CHSY3: variants seen among roughly 807,000 people sequenced by gnomAD.
CHSY3 encodes the protein N-acetylgalactosaminyl-proteoglycan 3-beta-glucuronosyltransferase 3.
Under a neutral mutation model 67.2 loss-of-function variants are expected in CHSY3, and 35 were observed. That is an observed-to-expected ratio of 0.52 (90% confidence interval 0.40 to 0.69). The LOEUF (loss-of-function observed/expected upper bound fraction) is 0.69. CHSY3 is among the 30% of genes least tolerant of loss of function. The pLI is 0.00. For synonymous variants in CHSY3, 474 were observed against 434.7 expected, an observed-to-expected ratio of 1.09 and a Z score of -1.12; for missense variants, 1,069 against 1,138.5, an observed-to-expected ratio of 0.94 and a Z score of 0.88.
chr5:130,068,025 G>A (rs1270299789), intron 2 of CHSY3, among the ~76,000 whole-genome samples: 2 of 152,154 alleles, frequency 1.3e-5, no homozygotes, highest in African/African-American at 4.8e-5. Context: ...CCAGGCAGCT[G>A]TAAATATGTA....
chr5:130,049,811 C>G (rs917255511), intron 2 of CHSY3, among the ~76,000 whole-genome samples: 2 of 149,672 alleles, frequency 1.3e-5, no homozygotes, highest in Non-Finnish European at 3.0e-5. Flanking sequence ...AACCACGCCT[C>G]TTCTTTAACA....
chr5:130,159,412 A>G (rs1769465231), intron 2 of CHSY3, among the ~76,000 whole-genome samples: 1 of 150,542 alleles, frequency 6.6e-6, no homozygotes, highest in Non-Finnish European at 1.5e-5. Flanking sequence ...GGATCTGCCT[A>G]TTTTAGCTTC....
At chr5:130,163,404 C>T (rs1223385712) in intron 2 of CHSY3, among the ~76,000 whole-genome samples, 2 of 152,134 alleles carry the variant, frequency 1.3e-5, no homozygotes, top group African/African-American at 4.8e-5. Flanking sequence ...AGGATGCCTT[C>T]ACATTTCATT....
chr5:130,072,123 C>A (rs929522108), intron 2 of CHSY3, among the ~76,000 whole-genome samples: 3 of 151,916 alleles, frequency 2.0e-5, no homozygotes, highest in African/African-American at 4.8e-5. Flanking sequence ...ATATGGTTTG[C>A]AAATATTTTC....
chr5:129,973,422 G>A (rs1762702564), intron 2 of CHSY3, among the ~76,000 whole-genome samples: 1 of 151,984 alleles, frequency 6.6e-6, no homozygotes, highest in South Asian at 2.1e-4. Context: ...TGTATGACTA[G>A]CTATTTTATG....
At chr5:129,912,043 A>G (rs201176735) in intron 2 of CHSY3, among the ~76,000 whole-genome samples, 1 of 152,128 alleles carries the variant, frequency 6.6e-6, no homozygotes, top group Non-Finnish European at 1.5e-5. Flanking sequence ...AGACAGCAAG[A>G]CTCCGTCTCA....
At chr5:130,068,236 C>T (rs1765947735) in intron 2 of CHSY3, among the ~76,000 whole-genome samples, 1 of 152,134 alleles carries the variant, frequency 6.6e-6, no homozygotes, top group African/African-American at 2.4e-5. Flanking sequence ...GAGCTGAATA[C>T]ACTTGAGTTT....
At chr5:130,118,129 AG>A (rs1767878373) in intron 2 of CHSY3, among the ~76,000 whole-genome samples, 1 of 152,142 alleles carries the variant, frequency 6.6e-6, no homozygotes, top group Non-Finnish European at 1.5e-5. Flanking sequence ...GACTCTCACT[AG>A]GAGCAGCTGC....
At chr5:130,084,250 C>G (rs1766537146) in intron 2 of CHSY3, among the ~76,000 whole-genome samples, 1 of 151,962 alleles carries the variant, frequency 6.6e-6, no homozygotes, top group Admixed American at 6.6e-5. Context: ...TAATATTGAA[C>G]TTTTAAACGG....
At position 129,905,003 on chromosome 5, in the gene CHSY3, C is replaced by T; in HGVS notation, c.174C>T (p.Gly58=). 6.4e-7 allele frequency: 1 copy of T among 1,564,974 alleles called. No individual in the cohort carries two copies. The change falls in exon 1 of 3, where the codon GGC becomes GGT. Residue 58 remains glycine (G), a synonymous_variant. Coordinates refer to ENST00000305031, the MANE Select transcript of CHSY3 (RefSeq NM_175856.5). Reference sequence around the variant, plus strand: ...GCTCTGCTGCTGGCCCCCGCGCCGGCGCTCAGCAGCCGCTCCCCCAGCCCC... The same window carrying T: ...GCTCTGCTGCTGGCCCCCGCGCCGGTGCTCAGCAGCCGCTCCCCCAGCCCC... The part of the protein sequence containing the change: ...YGRSAAGPRA[G]AQQPLPQPQS...
chr5:130,091,916 T>C (rs1766893129), intron 2 of CHSY3, among the ~76,000 whole-genome samples: 2 of 152,282 alleles, frequency 1.3e-5, no homozygotes, highest in South Asian at 4.1e-4. Flanking sequence ...AAGATCCCTG[T>C]TTTGCTAACT....
intron 2 of CHSY3, among the ~76,000 whole-genome samples, chr5:129,998,036 T>G (rs985396638): frequency 1.3e-5 from 2 of 152,148 alleles, no homozygotes; most frequent in Non-Finnish European, 2.9e-5. Flanking sequence ...GTAATGCGAT[T>G]GCTGGGTCAA....
At chr5:130,021,999 T>G (rs1030005071) in intron 2 of CHSY3, among the ~76,000 whole-genome samples, 2 of 152,126 alleles carry the variant, frequency 1.3e-5, no homozygotes, top group African/African-American at 4.8e-5. Context: ...ATCATTATTC[T>G]TTATTTGTAT....
chr5:130,179,611 G>T (rs1770185237), intron 2 of CHSY3, among the ~76,000 whole-genome samples: 1 of 151,692 alleles, frequency 6.6e-6, no homozygotes, highest in Non-Finnish European at 1.5e-5. Flanking sequence ...ATTTCCCTTT[G>T]TTGTTTATGA....
Position 130,184,330 on chromosome 5 carries a change from C to A in CHSY3, c.1188C>A (p.Asn396Lys). 1 of 1,614,130 alleles carries A rather than the reference C, an allele frequency of 6.2e-7. No individual in the cohort carries two copies. The highest frequency in any genetic ancestry group is 8.5e-7 in the Non-Finnish European group (1 of 1,180,002). The change falls in exon 3 of 3, where the codon AAC (asparagine) becomes AAA (lysine). Residue 396 changes from asparagine to lysine, a missense_variant. Physicochemically the swap from Asn to Lys is moderately conservative, Grantham distance 94 (BLOSUM62 0). Transcript: ENST00000305031. ...ATGCAGCCATAACACTTCATCCCAA[C>A]AAAAGGCCTGCATACCAATACAGGC... ...KIHAAITLHP[N>K]KRPAYQYRLH...
At chr5:130,052,682 CT>C (rs1765400242) in intron 2 of CHSY3, among the ~76,000 whole-genome samples, 1 of 151,924 alleles carries the variant, frequency 6.6e-6, no homozygotes, top group East Asian at 1.9e-4. Flanking sequence ...ACTTTTTTTT[CT>C]ATTCTGGTAA....
At chr5:129,979,199 CAAAAAAAAAAAAAAA>C (rs58584381) in intron 2 of CHSY3, among the ~76,000 whole-genome samples, 2 of 62,528 alleles carry the variant, frequency 3.2e-5, no homozygotes, top group Non-Finnish European at 5.7e-5. Flanking sequence ...GACTCCGTCT[CAAAAAAAAAAAAAAA>C]AAAAAAAAAA....
At chr5:129,929,465 G>A (rs1761227163) in intron 2 of CHSY3, among the ~76,000 whole-genome samples, 1 of 152,138 alleles carries the variant, frequency 6.6e-6, no homozygotes, top group Non-Finnish European at 1.5e-5. Flanking sequence ...AAGTGCACAT[G>A]GGACATGGGC....
At chr5:130,018,711 G>A (rs1016185091) in intron 2 of CHSY3, among the ~76,000 whole-genome samples, 5 of 152,062 alleles carry the variant, frequency 3.3e-5, no homozygotes, top group African/African-American at 4.8e-5. Context: ...TTGTTTGTCC[G>A]CACCAAATCT....
Sources: allele counts gnomAD v4.1 joint callset (sites outside exome capture counted in the v4.1 genomes callset), GRCh38; gene constraint gnomAD v4.1.1; transcripts MANE v1.5; gene names NCBI Gene and HGNC (gene_info 2026-07-23, HGNC 2026-07-21).